The following TAF6 variants were observed in gnomAD, a reference collection of about 807,000 sequenced individuals.
TAF6 encodes transcription initiation factor TFIID subunit 6.
Under a neutral mutation model 73.5 loss-of-function variants are expected in TAF6, and 50 were observed. The ratio of observed to expected loss-of-function variants is 0.68; its 90% CI spans 0.54 to 0.86. TAF6 has a LOEUF of 0.86. Ranked by LOEUF, TAF6 falls within the 40% of genes least tolerant of loss-of-function variation. TAF6 has a pLI of 0.00. For synonymous variants in TAF6, 424 were observed against 376.7 expected, an observed-to-expected ratio of 1.13 and a Z score of -1.45; for missense variants, 768 against 899.5, an observed-to-expected ratio of 0.85 and a Z score of 1.87.
Position 100,114,176 on chromosome 7 carries a change from T to G in TAF6, c.34A>C (p.Thr12Pro). ...AEEKKLKLSN[T>P]VLPSESMKVV... The stretch of plus-strand genomic sequence containing the variant: ...TTCATGGACTCCGAGGGCAGCACAG[T>G]GTTGCTAAGCTTCAGCTTCTTCTCC... The change falls in exon 2 of 15, where the codon ACT (threonine) becomes CCT (proline). Residue 12 changes from threonine (T) to proline (P), a missense_variant. By Grantham distance (38) the Thr-to-Pro change is conservative. Around this residue, in one of 5 missense-constraint regions of TAF6, gnomAD observed 269 missense variants for 268.0 expected, o/e 1.00. Transcript: ENST00000453269. The G allele has an allele frequency of 6.2e-7, 1 of 1,614,228 alleles. No homozygotes were observed. The highest frequency in any genetic ancestry group is 8.5e-7 in the Non-Finnish European group (1 of 1,180,036).
At position 100,113,788 on chromosome 7, in the gene TAF6, G is replaced by A; in HGVS notation, c.244-19C>T. ...AGAGTGGCTGTGGCAGGAGAGAGGG[G>A]CATGGGTAAGAAGGGAGCCGGAGGA... On this transcript the variant is annotated intron_variant, in intron 3 of 14. Transcript: ENST00000453269. 6.2e-7 allele frequency: 1 copy of A among 1,613,816 alleles called. No homozygotes were observed. The highest frequency in any genetic ancestry group is 8.5e-7 in the Non-Finnish European group (1 of 1,179,858).
the TAF6 span, among the ~76,000 whole-genome samples, chr7:100,126,259 T>C: frequency 3.3e-5 from 5 of 151,090 alleles, no homozygotes; most frequent in Non-Finnish European, 7.4e-5. Flanking sequence ...GGAGAATCGC[T>C]TGAACCCAGG....
Position 100,107,981 on chromosome 7 carries a change from G to C in TAF6, c.1601C>G (p.Pro534Arg). The change falls in exon 14 of 15, where the codon CCT becomes CGT. Residue 534 changes from proline to arginine, a missense_variant. Pro to Arg is a moderately radical substitution (Grantham distance 103, BLOSUM62 -2). This residue lies in a region of TAF6 where 350 missense variants were observed against 352.3 expected (regional missense o/e 0.99). Transcript: ENST00000453269. ...TGACATTACAATAAACTTGGTTGGA[G>C]GAGGGGAAGGCTGTGGTGGGGCAGC... The part of the protein sequence containing the change: ...RAAAPPQPSP[P>R]PTKFIVMSSS... 1 of 1,614,086 alleles carries C rather than the reference G, an allele frequency of 6.2e-7. No homozygotes were observed. The highest frequency in any genetic ancestry group is 1.1e-5 in the South Asian group (1 of 91,072).
At chr7:100,121,860 C>G (rs1007281856), upstream of TAF6, among the ~76,000 whole-genome samples, 1 of 150,350 alleles carries the variant, frequency 6.7e-6, no homozygotes, top group Admixed American at 6.6e-5. Context: ...ACCATCCTGG[C>G]TAACACGGTG....
chr7:100,109,554 T>C lies in TAF6; in HGVS notation c.1284+394A>G, dbSNP rs1021567824. ...CTCTGTAACCCAGGCTGGAGTGCAG[T>C]GGCACGATCATAGCTCTCTGTAGCC... On this transcript the variant is annotated intron_variant, in intron 12 of 14. Transcript: ENST00000453269. 1.2e-4 allele frequency among the ~76,000 whole-genome samples: 18 copies of C among 151,990 alleles called. No homozygotes were observed. In the South Asian group the frequency reaches 1.2e-3, roughly 11 times the overall value.
intron 9 of TAF6, 143 bp from the exon 10 acceptor site, chr7:100,111,464 C>T: frequency 1.8e-6 from 2 of 1,093,702 alleles, no homozygotes; most frequent in South Asian, 1.6e-5. Context: ...GCAATTCTCC[C>T]ATCTCAGCCT....
intron 1 of TAF6, among the ~76,000 whole-genome samples, chr7:100,116,798 G>A (rs1202285907): frequency 6.6e-6 from 1 of 152,002 alleles, no homozygotes; most frequent in Non-Finnish European, 1.5e-5. Flanking sequence ...CCTTAAACTT[G>A]CCAGGTATGT....
chr7:100,107,217 T>G lies in TAF6; in HGVS notation c.*29A>C. ...GCACGTGTGTACATGTCTGCATGTG[T>G]GGGAATCCGGGGGCTGGCAGGTGGA... On this transcript the variant is annotated 3_prime_UTR_variant, in exon 15 of 15. Coordinates refer to ENST00000453269, the MANE Select transcript of TAF6 (RefSeq NM_139315.3). 6.6e-7 allele frequency: 1 copy of G among 1,518,622 alleles called. No homozygotes were observed. The highest frequency in any genetic ancestry group is 8.8e-7 in the Non-Finnish European group (1 of 1,136,056). The allele number at this position is 1,518,622 out of a possible 1,614,324, so 94.1% of individuals were successfully genotyped here. A position where few individuals can be genotyped will look rare whatever the true frequency, so the allele number is the denominator to read the frequency against.
rs1584572725 is a variant in TAF6 at position 100,117,293 on chromosome 7, T to C, written c.-60+1911A>G. Among the ~76,000 whole-genome samples the C allele has an allele frequency of 6.5e-5, 9 of 137,598 alleles. 1 individual carries two copies. The Admixed American group carries it at 6.7e-4, about 10-fold the overall frequency. 90.3% of individuals were successfully genotyped at this position (137,598 alleles called of 152,430 possible). A position where few individuals can be genotyped will look rare whatever the true frequency, so the allele number is the denominator to read the frequency against. On this transcript the variant is annotated intron_variant, in intron 1 of 14. Coordinates refer to ENST00000453269, the MANE Select transcript of TAF6 (RefSeq NM_139315.3). ...TTTTTTTTTTTTTTTTTTTTTGAGC[T>C]AGAGTTTCACTCTTGTTGTCCAGGC... is the stretch of plus-strand genomic sequence containing the variant.
At position 100,111,163 on chromosome 7, in the gene TAF6, G is replaced by A; in HGVS notation, c.1059C>T (p.Ser353=). 1 of 1,614,058 alleles carries A rather than the reference G, an allele frequency of 6.2e-7. No individual in the cohort carries two copies. The highest frequency in any genetic ancestry group is 1.1e-5 in the South Asian group (1 of 91,064). Residue 353 remains serine (S), a synonymous_variant, in exon 10 of 15, where the codon TCC becomes TCT. Transcript: ENST00000453269. The part of the protein sequence containing the change: ...HFSTTTNNIQ[S]RITKTFTKSW... Reference sequence around the variant, plus strand: ...CCTTGGTGAAGGTCTTGGTGATCCGGGACTGGATGTTGTTAGTGGTTGTGC... The same window carrying A: ...CCTTGGTGAAGGTCTTGGTGATCCGAGACTGGATGTTGTTAGTGGTTGTGC...
At position 100,107,153 on chromosome 7, in the gene TAF6, C is replaced by T. The variant is rs775910896; in HGVS notation, c.*93G>A. 723 of 1,477,270 alleles carry T rather than the reference C, an allele frequency of 4.9e-4. No individual in the cohort carries two copies. Among genetic ancestry groups the T allele is most frequent in the Non-Finnish European group, 6.1e-4 (672 of 1,106,894 alleles). The allele number at this position is 1,477,270 out of a possible 1,614,324, so 91.5% of individuals were successfully genotyped here. A position where few individuals can be genotyped will look rare whatever the true frequency, so the allele number is the denominator to read the frequency against. On this transcript the variant is annotated 3_prime_UTR_variant, in exon 15 of 15. Transcript: ENST00000453269. ...AAAGTGACATGAAGGAAGCAATCTACAACTTCCTTCCGCTTAGCGAGCATG... is the reference window on the plus strand; with the variant it reads ...AAAGTGACATGAAGGAAGCAATCTATAACTTCCTTCCGCTTAGCGAGCATG...
upstream of TAF6, chr7:100,124,801 GGAGGAGGAGGAA>G (rs1724210078): frequency 3.1e-6 from 5 of 1,595,946 alleles, no homozygotes; most frequent in Non-Finnish European, 4.2e-6. Flanking sequence ...AAGAGCAGGA[GGAGGAGGAGGAA>G]GAGGAGGAAG....
intron 1 of TAF6, chr7:100,118,928 T>A (rs1562935854): frequency 1.0e-6 from 1 of 985,408 alleles, no homozygotes; most frequent in East Asian, 1.1e-4. Context: ...CCCACTTCCC[T>A]GGCGAACTCC....
At chr7:100,110,976 T>A (rs1313105214) in intron 10 of TAF6, among the ~76,000 whole-genome samples, 163 bp downstream of exon 10, 1 of 96,050 alleles carries the variant, frequency 1.0e-5, no homozygotes, top group East Asian at 5.2e-4. Context: ...CGAGACTCCA[T>A]CTCAAAAAAA....
chr7:100,114,459 G>A (rs1310122236), intron 1 of TAF6, 191 bp from the exon 2 acceptor site: 6 of 647,756 alleles, frequency 9.3e-6, no homozygotes, highest in African/African-American at 5.4e-5. Flanking sequence ...GCTCACGCCT[G>A]TAATCCCACC....
chr7:100,111,588 C>T (rs1797184400), intron 9 of TAF6, 140 bp downstream of exon 9: 1 of 967,348 alleles, frequency 1.0e-6, no homozygotes, highest in South Asian at 1.4e-5. Flanking sequence ...TCCTCAAACT[C>T]CTGAGCTCAA....
At chr7:100,117,267 C>CTTTTTT (rs1181165298) in intron 1 of TAF6, among the ~76,000 whole-genome samples, 2 of 105,080 alleles carry the variant, frequency 1.9e-5, no homozygotes, top group Non-Finnish European at 3.8e-5. Flanking sequence ...AGACAGGGCT[C>CTTTTTT]TTTTTTTTTT....
At chr7:100,108,203 C>G in intron 13 of TAF6, 80 bp from the exon 14 acceptor site, 1 of 1,478,630 alleles carries the variant, frequency 6.8e-7, no homozygotes, top group Non-Finnish European at 9.0e-7. Context: ...GGGCTCCCCT[C>G]GCTCTTCCTC....
At chr7:100,119,577 G>C (rs1353074509), upstream of TAF6, 2 of 1,453,216 alleles carry the variant, frequency 1.4e-6, no homozygotes, top group Non-Finnish European at 1.8e-6. Context: ...CGGAGGCAGG[G>C]AAACCCGTAG....
Sources: gnomAD v4.1 joint callset for allele counts (sites outside exome capture counted in the v4.1 genomes callset) on GRCh38, gnomAD v4.1.1 for gene constraint, gnomAD v4.1.1 regional missense constraint, MANE v1.5 for transcripts, NCBI Gene and HGNC (gene_info 2026-07-23, HGNC 2026-07-21) for gene names.